NRXN1: variants seen among roughly 807,000 people sequenced by gnomAD.
NRXN1 encodes neurexin-1.
Under a neutral mutation model 150.9 loss-of-function variants are expected in NRXN1, and 39 were observed. That is an observed-to-expected ratio of 0.26 (90% CI 0.20 to 0.34). NRXN1 has a LOEUF of 0.34. Ranked by LOEUF, NRXN1 falls within the 10% of genes least tolerant of loss-of-function variation. The pLI is 1.00. For synonymous variants in NRXN1, 924 were observed against 757.0 expected, an observed-to-expected ratio of 1.22 and a Z score of -3.62; for missense variants, 1,815 against 1,949.9, an observed-to-expected ratio of 0.93 and a Z score of 1.30.
At chr2:50,557,395 T>C (rs1039891782) in intron 8 of NRXN1, among the ~76,000 whole-genome samples, 2 of 152,198 alleles carry the variant, frequency 1.3e-5, no homozygotes, top group Admixed American at 1.3e-4. Flanking sequence ...GACTTTGTTA[T>C]GACCCTCCCT....
intron 17 of NRXN1, among the ~76,000 whole-genome samples, chr2:50,253,567 T>G (rs114800726): frequency 6.6e-6 from 1 of 152,176 alleles, no homozygotes; most frequent in African/African-American, 2.4e-5. Context: ...ATGGCTCTTA[T>G]GATTTTGAGA....
intron 21 of NRXN1, among the ~76,000 whole-genome samples, chr2:50,010,153 A>C (rs909937321): frequency 2.0e-5 from 3 of 151,964 alleles, no homozygotes; most frequent in African/African-American, 4.8e-5. Context: ...TCAAGTTAAA[A>C]AAAAAAAGTC....
At chr2:50,604,813 A>G (rs1272882050) in intron 8 of NRXN1, among the ~76,000 whole-genome samples, 12 of 152,214 alleles carry the variant, frequency 7.9e-5, no homozygotes, top group Non-Finnish European at 1.5e-4. Context: ...AGGTTATAGA[A>G]TACCTACTAT....
intron 17 of NRXN1, among the ~76,000 whole-genome samples, chr2:50,366,043 A>C (rs1308409872): frequency 6.6e-6 from 1 of 151,824 alleles, no homozygotes; most frequent in Non-Finnish European, 1.5e-5. Flanking sequence ...ATTTGGAGGG[A>C]TGAATGTTAC....
At chr2:50,056,135 A>G (rs553843590) in intron 19 of NRXN1, among the ~76,000 whole-genome samples, 1 of 152,312 alleles carries the variant, frequency 6.6e-6, no homozygotes, top group African/African-American at 2.4e-5. Flanking sequence ...ATTAGCTCAG[A>G]TGAGGACTCA....
intron 5 of NRXN1, among the ~76,000 whole-genome samples, chr2:50,638,161 A>G (rs1683507433): frequency 6.6e-6 from 1 of 152,150 alleles, no homozygotes; most frequent in African/African-American, 2.4e-5. Flanking sequence ...CTCAAAACAG[A>G]GATGATCATC....
intron 2 of NRXN1, among the ~76,000 whole-genome samples, chr2:50,938,940 G>A (rs533397941): frequency 4.9e-4 from 74 of 152,064 alleles, no homozygotes; most frequent in African/African-American, 1.4e-3. Flanking sequence ...GGCTGAGCGC[G>A]GTGGCTCATG....
chr2:50,347,637 G>A lies in NRXN1; in HGVS notation c.3365-110667C>T, dbSNP rs2078131182. ...ACTTACGCCCGGCGAGGGGTTCAGA[G>A]GGAAGAGTGCGCCCTTCTGAAGGAA... On this transcript the variant is annotated intron_variant, in intron 17 of 22. Coordinates refer to ENST00000401669, the MANE Select transcript of NRXN1 (RefSeq NM_001330078.2). The surrounding 1 kb of genome is among the most constrained non-coding windows in gnomAD (Gnocchi z 4.9). The A allele has an allele frequency of 1.0e-6, 1 of 997,484 alleles. No homozygotes were observed. The highest frequency in any genetic ancestry group is 4.3e-5 in the South Asian group (1 of 23,302). 61.8% of individuals were successfully genotyped at this position (997,484 alleles called of 1,614,324 possible).
intron 2 of NRXN1, among the ~76,000 whole-genome samples, chr2:50,978,662 G>C (rs1225300083): frequency 2.6e-5 from 4 of 151,956 alleles, no homozygotes; most frequent in East Asian, 3.9e-4. Flanking sequence ...TGATTGGATG[G>C]ATGAATAAAG....
At chr2:50,528,434 CAGTGGGA>C (rs1352081786) in intron 12 of NRXN1, among the ~76,000 whole-genome samples, 184 bp downstream of exon 12, 1 of 152,012 alleles carries the variant, frequency 6.6e-6, no homozygotes, top group African/African-American at 2.4e-5. Context: ...GTAGGAACTG[CAGTGGGA>C]AAGTCTTCAG....
chr2:50,294,717 G>C (rs1389346850), intron 17 of NRXN1, among the ~76,000 whole-genome samples: 1 of 152,190 alleles, frequency 6.6e-6, no homozygotes, highest in Non-Finnish European at 1.5e-5. Context: ...TGTTGGGACA[G>C]GCTGATCCAT....
chr2:50,492,417 T>C (rs923534703), intron 15 of NRXN1, among the ~76,000 whole-genome samples: 2 of 152,180 alleles, frequency 1.3e-5, no homozygotes, highest in African/African-American at 4.8e-5. Context: ...CCATTTCTGA[T>C]CGTTTCTATT....
At chr2:50,551,814 C>T (rs1250198127) in intron 9 of NRXN1, among the ~76,000 whole-genome samples, 1 of 152,062 alleles carries the variant, frequency 6.6e-6, no homozygotes, top group African/African-American at 2.4e-5. Context: ...CTCCCTCCTT[C>T]CCTCTCTTTC....
At chr2:50,042,301 G>A (rs1558754661) in intron 21 of NRXN1, among the ~76,000 whole-genome samples, 1 of 152,140 alleles carries the variant, frequency 6.6e-6, no homozygotes, top group South Asian at 2.1e-4. Flanking sequence ...CCCAGTGGGA[G>A]GTAACTGAAT....
chr2:50,877,183 A>G (rs1678724557), intron 5 of NRXN1, among the ~76,000 whole-genome samples: 1 of 137,688 alleles, frequency 7.3e-6, no homozygotes, highest in African/African-American at 2.5e-5. Context: ...ACACACACAT[A>G]GACACACACA....
intron 15 of NRXN1, among the ~76,000 whole-genome samples, chr2:50,476,052 C>T (rs1320436197): frequency 6.6e-6 from 1 of 151,972 alleles, no homozygotes; most frequent in Non-Finnish European, 1.5e-5. Flanking sequence ...AAATGAGTGG[C>T]TGATTTTTAA....
intron 22 of NRXN1, among the ~76,000 whole-genome samples, chr2:49,938,135 G>C (rs1452218725): frequency 2.0e-5 from 3 of 152,086 alleles, no homozygotes; most frequent in African/African-American, 7.2e-5. Flanking sequence ...TATTTGTGAG[G>C]TGCCTGAATT....
chr2:50,654,918 A>T (rs1232466570), intron 5 of NRXN1, among the ~76,000 whole-genome samples: 1 of 152,068 alleles, frequency 6.6e-6, no homozygotes, highest in Non-Finnish European at 1.5e-5. Flanking sequence ...TTAAACCAAA[A>T]TTATTATCCA....
chr2:50,981,457 C>CAAAAAAAAAA (rs70958635), intron 2 of NRXN1, among the ~76,000 whole-genome samples: 5 of 23,266 alleles, frequency 2.1e-4, no homozygotes, highest in Non-Finnish European at 3.7e-4. Flanking sequence ...AACTCTATCT[C>CAAAAAAAAAA]AAAAAAAAAA....
Sources: allele counts gnomAD v4.1 joint callset (sites outside exome capture counted in the v4.1 genomes callset), GRCh38; gene constraint gnomAD v4.1.1; non-coding constraint Gnocchi (gnomAD v3.1); transcripts MANE v1.5; gene names NCBI Gene and HGNC (gene_info 2026-07-23, HGNC 2026-07-21).